The following SDK1 variants were observed in gnomAD, a reference collection of about 807,000 sequenced individuals.
The protein encoded by SDK1 is sidekick cell adhesion molecule 1.
A neutral mutation model predicts 245.5 loss-of-function variants in SDK1; 157 were observed. The ratio of observed to expected loss-of-function variants is 0.64; its 90% CI spans 0.56 to 0.73. The LOEUF is 0.73. Ranked by LOEUF, SDK1 falls within the 30% of genes least tolerant of loss-of-function variation. The probability of loss-of-function intolerance (pLI) is 0.00; values close to 1 mark genes in which losing one functional copy is unlikely to be tolerated. For synonymous variants in SDK1, 1,647 were observed against 1,278.5 expected (o/e 1.29, Z -6.15); for missense variants, 3,583 against 3,002.3 (o/e 1.19, Z -4.52).
intron 22 of SDK1, among the ~76,000 whole-genome samples, chr7:4,104,120 C>T (rs746024467): frequency 6.6e-6 from 1 of 152,226 alleles, no homozygotes; most frequent in Non-Finnish European, 1.5e-5. Context: ...AGTGCAGTTG[C>T]ATAATCACCA....
intron 4 of SDK1, among the ~76,000 whole-genome samples, chr7:3,728,185 G>A (rs1779071367): frequency 6.6e-6 from 1 of 152,200 alleles, no homozygotes; most frequent in Admixed American, 6.5e-5. Flanking sequence ...TGCTGAACTT[G>A]ATCACCGCTG....
At chr7:3,317,698 C>G (rs1779698390) in intron 1 of SDK1, among the ~76,000 whole-genome samples, 1 of 152,118 alleles carries the variant, frequency 6.6e-6, no homozygotes, top group African/African-American at 2.4e-5. Flanking sequence ...ATGGAAGCAC[C>G]TTTGGTTCAT....
chr7:3,866,510 C>G (rs993752593), intron 5 of SDK1, among the ~76,000 whole-genome samples: 2 of 151,332 alleles, frequency 1.3e-5, no homozygotes, highest in African/African-American at 4.9e-5. Context: ...GGAAAGAAGG[C>G]CAGAATAGCT....
chr7:3,841,463 A>G (rs535221039), intron 5 of SDK1, among the ~76,000 whole-genome samples: 2 of 152,296 alleles, frequency 1.3e-5, no homozygotes, highest in East Asian at 1.9e-4. Flanking sequence ...AAGGACTAAC[A>G]TCTTGCGCTA....
intron 1 of SDK1, among the ~76,000 whole-genome samples, chr7:3,531,687 T>G (rs537778640): frequency 1.3e-5 from 2 of 152,352 alleles, no homozygotes; most frequent in African/African-American, 4.8e-5. Flanking sequence ...TATCTATTTT[T>G]GTCGCCTCAC....
chr7:4,110,612 C>A, intron 22 of SDK1, 51 bp from the exon 23 acceptor site: 1 of 1,329,100 alleles, frequency 7.5e-7, no homozygotes, highest in Non-Finnish European at 1.1e-6. Context: ...TACATGGCAG[C>A]CTCAGTCCCT....
At position 3,734,032 on chromosome 7, in the gene SDK1, G is replaced by A. The variant is rs145001739; in HGVS notation, c.714-87418G>A. Among the ~76,000 whole-genome samples, 614 of 152,316 alleles carry A rather than the reference G, an allele frequency of 4.0e-3. 5 individuals carry two copies. The highest frequency in any genetic ancestry group is 0.014 in the African/African-American group (599 of 41,560). Reference sequence around the variant, plus strand: ...TGCTGGGAACAGATCCAGATCTGCTGTAAGCCCTGGCTGTGCCCTGGACCC... The same window carrying A: ...TGCTGGGAACAGATCCAGATCTGCTATAAGCCCTGGCTGTGCCCTGGACCC... On this transcript the variant is annotated intron_variant, in intron 4 of 44. Transcript: ENST00000404826.
chr7:3,667,203 A>T lies in SDK1; in HGVS notation c.713+25098A>T, dbSNP rs576790760. Among the ~76,000 whole-genome samples the T allele has an allele frequency of 3.3e-5, 5 of 152,318 alleles. No individual in the cohort carries two copies. In the South Asian group the frequency reaches 1.0e-3, roughly 32 times the overall value. ...TTCATTTGAGAAATACATGTCCATG[A>T]AGTTTATATAGTGTGTTCAAATGTA... On this transcript the variant is annotated intron_variant, in intron 4 of 44. Coordinates refer to ENST00000404826, the MANE Select transcript of SDK1 (RefSeq NM_152744.4).
At position 4,268,877 on chromosome 7, in the gene SDK1, C is replaced by A. The variant is rs542583964; in HGVS notation, c.*3493C>A. 9 of 512,400 alleles carry A rather than the reference C, an allele frequency of 1.8e-5. No individual in the cohort carries two copies. The highest frequency in any genetic ancestry group is 1.4e-4 in the African/African-American group (7 of 49,922). The allele number at this position is 512,400 out of a possible 1,614,324, so 31.7% of individuals were successfully genotyped here. The stretch of plus-strand genomic sequence containing the variant: ...CCGTCAGGTCCCTAAACGTTCCCTA[C>A]AACTTTTTCTGAAATTGTGCAGAAA... On this transcript the variant is annotated 3_prime_UTR_variant, in exon 45 of 45. Transcript: ENST00000404826.
chr7:4,008,856 C>G (rs1014436038), intron 14 of SDK1, among the ~76,000 whole-genome samples: 20 of 152,178 alleles, frequency 1.3e-4, no homozygotes, highest in Admixed American at 1.2e-3. Flanking sequence ...CTGCTTTGAA[C>G]CCAGGTATGC....
At chr7:3,877,428 G>A (rs757793606) in intron 5 of SDK1, among the ~76,000 whole-genome samples, 9 of 152,164 alleles carry the variant, frequency 5.9e-5, no homozygotes, top group South Asian at 2.1e-4. Context: ...GAGAACAACC[G>A]TGTTCCCTCT....
chr7:3,828,421 T>C (rs896732349), intron 5 of SDK1, among the ~76,000 whole-genome samples: 1 of 152,010 alleles, frequency 6.6e-6, no homozygotes, highest in Non-Finnish European at 1.5e-5. Flanking sequence ...AAATTTTATC[T>C]ATGAAAAAGA....
intron 1 of SDK1, among the ~76,000 whole-genome samples, chr7:3,543,261 G>A (rs1224220017): frequency 2.0e-5 from 3 of 152,204 alleles, no homozygotes; most frequent in Non-Finnish European, 4.4e-5. Context: ...AGGATTTGAC[G>A]TTTTGAAAAA....
intron 1 of SDK1, among the ~76,000 whole-genome samples, chr7:3,374,623 G>A (rs1250514898): frequency 3.3e-5 from 5 of 151,904 alleles, no homozygotes; most frequent in African/African-American, 7.3e-5. Flanking sequence ...AATAAGGTAC[G>A]TTTTTCCCCA....
chr7:4,128,609 C>T (rs1784546351), intron 26 of SDK1, among the ~76,000 whole-genome samples: 2 of 149,082 alleles, frequency 1.3e-5, no homozygotes, highest in African/African-American at 4.9e-5. Flanking sequence ...GGTGGGGTCC[C>T]CTGGAGGAGA....
intron 4 of SDK1, among the ~76,000 whole-genome samples, chr7:3,731,749 A>G (rs549699278): frequency 1.3e-5 from 2 of 152,276 alleles, no homozygotes; most frequent in South Asian, 2.1e-4. Flanking sequence ...AGAAGGAGAA[A>G]AAAATTCTCC....
At chr7:3,645,587 A>G (rs1428997782) in intron 4 of SDK1, among the ~76,000 whole-genome samples, 5 of 152,232 alleles carry the variant, frequency 3.3e-5, no homozygotes, top group African/African-American at 4.8e-5. Flanking sequence ...ATGTACATCT[A>G]TTATGCACTA....
chr7:3,857,612 A>T (rs992459703), intron 5 of SDK1, among the ~76,000 whole-genome samples: 7 of 151,870 alleles, frequency 4.6e-5, no homozygotes, highest in African/African-American at 1.2e-4. Flanking sequence ...GCTTGAGGCC[A>T]GAAGGTCAAG....
intron 1 of SDK1, among the ~76,000 whole-genome samples, chr7:3,594,671 C>G (rs1307413794): frequency 6.6e-6 from 1 of 152,162 alleles, no homozygotes; most frequent in African/African-American, 2.4e-5. Context: ...TTAATTGTGA[C>G]TTTGATTTTA....
Sources: gnomAD v4.1 joint callset for allele counts (sites outside exome capture counted in the v4.1 genomes callset) on GRCh38, gnomAD v4.1.1 for gene constraint, MANE v1.5 for transcripts, NCBI Gene and HGNC (gene_info 2026-07-23, HGNC 2026-07-21) for gene names.